Variants in TRPS1 observed in about 807,000 individuals in gnomAD.
TRPS1 encodes the protein transcriptional repressor GATA binding 1.
TRPS1 carries 6 observed loss-of-function variants against 101.2 expected under a neutral mutation model. The ratio of observed to expected loss-of-function variants is 0.06; its 90% CI spans 0.03 to 0.12. The LOEUF (loss-of-function observed/expected upper bound fraction) is 0.12. Ranked by LOEUF, TRPS1 falls within the 10% of genes least tolerant of loss-of-function variation. TRPS1 has a pLI of 1.00. For missense variants in TRPS1, 1,363 were observed against 1,567.0 expected, an observed-to-expected ratio of 0.87 and a Z score of 2.20; for synonymous variants, 578 against 589.8, an observed-to-expected ratio of 0.98 and a Z score of 0.29.
At position 115,415,134 on chromosome 8, in the gene TRPS1, T is replaced by G. The variant is rs763967180; in HGVS notation, c.2824-50A>C. 5 of 1,527,496 alleles carry G rather than the reference T, an allele frequency of 3.3e-6. No individual in the cohort carries two copies. In the South Asian group the frequency reaches 6.2e-5, roughly 19 times the overall value. The allele number at this position is 1,527,496 out of a possible 1,614,324, so 94.6% of individuals were successfully genotyped here. ...AAAAGGAAAACATTAAAAAATACAT[T>G]AAAATGCATTAAAAATTCCTCACAA... On this transcript the variant is annotated intron_variant, in intron 6 of 6. Transcript: ENST00000395715.
chr8:115,620,364 A>AAT (rs1323482135), intron 2 of TRPS1, among the ~76,000 whole-genome samples: 3 of 152,066 alleles, frequency 2.0e-5, no homozygotes, highest in Non-Finnish European at 4.4e-5. Context: ...CTTTCCTGAA[A>AAT]ATATATTTTT....
At chr8:115,586,057 C>T (rs1023510934) in intron 5 of TRPS1, among the ~76,000 whole-genome samples, 2 of 152,308 alleles carry the variant, frequency 1.3e-5, no homozygotes, top group Non-Finnish European at 2.9e-5. Flanking sequence ...CAGGTCAAAG[C>T]ACCTGGCTAA....
chr8:115,489,790 C>A (rs935278528), intron 5 of TRPS1, among the ~76,000 whole-genome samples: 2 of 152,008 alleles, frequency 1.3e-5, no homozygotes. Context: ...ACATTCAAAT[C>A]ATTTTTATAA....
At chr8:115,548,436 C>T (rs1816628979) in intron 5 of TRPS1, among the ~76,000 whole-genome samples, 1 of 152,072 alleles carries the variant, frequency 6.6e-6, no homozygotes, top group African/African-American at 2.4e-5. Context: ...CTCCCAGGTT[C>T]AAGCGATTCT....
At chr8:115,667,401 G>A (rs894816930) in intron 1 of TRPS1, among the ~76,000 whole-genome samples, 1 of 152,192 alleles carries the variant, frequency 6.6e-6, no homozygotes, top group Non-Finnish European at 1.5e-5. Context: ...TGGAGGGACA[G>A]CGATGTTTGC....
At chr8:115,493,727 G>T (rs1396977037) in intron 5 of TRPS1, among the ~76,000 whole-genome samples, 1 of 151,974 alleles carries the variant, frequency 6.6e-6, no homozygotes, top group African/African-American at 2.4e-5. Context: ...TACTGGCATG[G>T]ATATTATAAT....
intron 5 of TRPS1, among the ~76,000 whole-genome samples, chr8:115,573,897 T>C (rs1234041934): frequency 6.6e-6 from 1 of 152,166 alleles, no homozygotes; most frequent in Non-Finnish European, 1.5e-5. Context: ...CTGCTAAAAG[T>C]CCAGTCTTCC....
chr8:115,575,304 C>T (rs1009159286), intron 5 of TRPS1, among the ~76,000 whole-genome samples: 4 of 151,924 alleles, frequency 2.6e-5, no homozygotes, highest in African/African-American at 9.7e-5. Flanking sequence ...GCAGAATATA[C>T]GCTGCTATAA....
intron 5 of TRPS1, among the ~76,000 whole-genome samples, chr8:115,427,127 A>T (rs1223584728): frequency 2.0e-5 from 3 of 151,910 alleles, no homozygotes; most frequent in Admixed American, 1.3e-4. Flanking sequence ...TAAAAAAAAA[A>T]TTAGTTGGGT....
At chr8:115,468,202 G>T (rs1214523269) in intron 5 of TRPS1, among the ~76,000 whole-genome samples, 1 of 151,966 alleles carries the variant, frequency 6.6e-6, no homozygotes, top group African/African-American at 2.4e-5. Context: ...TATCTTCAAA[G>T]GATCATATGC....
intron 5 of TRPS1, among the ~76,000 whole-genome samples, chr8:115,555,451 T>C (rs1366990665): frequency 6.6e-6 from 1 of 152,092 alleles, no homozygotes; most frequent in East Asian, 1.9e-4. Flanking sequence ...ACTTCCAATA[T>C]GTTATGAAAC....
intron 5 of TRPS1, among the ~76,000 whole-genome samples, chr8:115,465,977 T>C (rs995608935): frequency 1.3e-5 from 2 of 152,216 alleles, no homozygotes; most frequent in African/African-American, 4.8e-5. Context: ...GAAGGATTCC[T>C]GTACAAATGC....
At chr8:115,541,871 ACAG>A (rs1194136392) in intron 5 of TRPS1, among the ~76,000 whole-genome samples, 2 of 152,180 alleles carry the variant, frequency 1.3e-5, no homozygotes, top group Non-Finnish European at 2.9e-5. Context: ...ATATCCACAC[ACAG>A]CAGGACCCAA....
intron 5 of TRPS1, among the ~76,000 whole-genome samples, chr8:115,450,502 C>G (rs1813841454): frequency 6.6e-6 from 1 of 151,950 alleles, no homozygotes; most frequent in Admixed American, 6.5e-5. Flanking sequence ...AAATCACTAG[C>G]TAATGCGCTG....
chr8:115,659,580 C>T (rs1811748676), intron 1 of TRPS1, among the ~76,000 whole-genome samples: 1 of 151,662 alleles, frequency 6.6e-6, no homozygotes. Context: ...ATATATATGA[C>T]CTGTCTTAAC....
chr8:115,484,007 A>G (rs1413555302), intron 5 of TRPS1, among the ~76,000 whole-genome samples: 1 of 152,226 alleles, frequency 6.6e-6, no homozygotes, highest in Non-Finnish European at 1.5e-5. Flanking sequence ...TTTGTAAAAT[A>G]TATGATTTCT....
rs1815733885 is a variant in TRPS1 at position 115,517,161 on chromosome 8, CTCTA to C, written c.2700+69836_2700+69839del. ...AACAAATTGTTTTAAAATATAAAAT[CTCTA>C]TCTTTCCATAATCTTCAAAGTGGAA... On this transcript the variant is annotated intron_variant, in intron 5 of 6. Coordinates refer to ENST00000395715, the MANE Select transcript of TRPS1 (RefSeq NM_014112.5). Among the ~76,000 whole-genome samples the C allele has an allele frequency of 2.0e-5, 3 of 151,584 alleles. No individual in the cohort carries two copies. In the Admixed American group the frequency reaches 2.0e-4, roughly 10 times the overall value.
At chr8:115,440,247 T>C (rs1813557900) in intron 5 of TRPS1, among the ~76,000 whole-genome samples, 1 of 152,240 alleles carries the variant, frequency 6.6e-6, no homozygotes, top group African/African-American at 2.4e-5. Context: ...ACCAAGGTAT[T>C]GCCACATCAT....
chr8:115,656,503 T>C (rs896637938), intron 1 of TRPS1, among the ~76,000 whole-genome samples: 8 of 152,144 alleles, frequency 5.3e-5, no homozygotes, highest in African/African-American at 1.9e-4. Context: ...TGAGTTCTTT[T>C]TTTTCTTTTT....
Sources: gnomAD v4.1 joint callset for allele counts (sites outside exome capture counted in the v4.1 genomes callset) on GRCh38, gnomAD v4.1.1 for gene constraint, MANE v1.5 for transcripts, NCBI Gene and HGNC (gene_info 2026-07-23, HGNC 2026-07-21) for gene names.